EPPK1: variants seen among roughly 807,000 people sequenced by gnomAD.
The protein encoded by EPPK1 is epiplakin 1, also known as epiplakin.
For missense variants in EPPK1, 3,823 were observed against 3,673.3 expected, an observed-to-expected ratio of 1.04 and a Z score of -1.05; for synonymous variants, 1,862 against 1,721.2, an observed-to-expected ratio of 1.08 and a Z score of -2.03.
In EPPK1 at chr8:143,867,504, C is replaced by T. The variant is rs868913138; in HGVS notation, c.5750G>A (p.Ser1917Asn). The change falls in exon 2 of 2, where the codon AGC (serine) becomes AAC (asparagine). Residue 1917 changes from serine to asparagine, a missense_variant. Physicochemically the swap from Ser to Asn is conservative, Grantham distance 46. Transcript: ENST00000615648. Reference protein sequence around the residue: ...TREVMSLHEASRKELIPAAFA... With the variant: ...TREVMSLHEANRKELIPAAFA... ...TGCTGCAGGGATGAGCTCCTTCCTG[C>T]TGGCCTCATGGAGGCTCATGACCTC... 10 of 1,612,652 alleles carry T rather than the reference C, an allele frequency of 6.2e-6. No homozygotes were observed. The highest frequency in any genetic ancestry group is 1.3e-5 in the African/African-American group (1 of 75,048).
chr8:143,868,704 A>AG lies in EPPK1; in HGVS notation c.4549dup (p.Leu1517ProfsTer255), dbSNP rs1819227870. The AG allele has an allele frequency of 4.4e-6, 7 of 1,579,714 alleles. No homozygotes were observed. The highest frequency in any genetic ancestry group is 5.1e-6 in the Non-Finnish European group (6 of 1,165,916). On this transcript the variant is annotated frameshift_variant, in exon 2 of 2. Coordinates refer to ENST00000615648, the MANE Select transcript of EPPK1 (RefSeq NM_031308.4). LOFTEE classifies it low-confidence loss of function (END_TRUNC). ...CCGGAGCCCTCTGAAGGTGGCCTGCAGGGGCTGCCTCTCTGCAGCCTCGAC... is the reference window on the plus strand; with the variant it reads ...CCGGAGCCCTCTGAAGGTGGCCTGCAGGGGGCTGCCTCTCTGCAGCCTCGAC...
Position 143,867,106 on chromosome 8 carries a change from T to G in EPPK1, c.6148A>C (p.Met2050Leu), listed in dbSNP as rs782462479. ...TTCGGGTCCACAAACCGTTTCCTCATGTGCTTCTGGTCGGAAATGAGCGCA... is the reference window on the plus strand; with the variant it reads ...TTCGGGTCCACAAACCGTTTCCTCAGGTGCTTCTGGTCGGAAATGAGCGCA... The part of the protein sequence containing the change: ...IYALISDQKH[M>L]RKRFVDPNTQ... Residue 2050 changes from methionine to leucine, a missense_variant, in exon 2 of 2, where the codon ATG (methionine) becomes CTG (leucine). Transcript: ENST00000615648. 1.9e-6 allele frequency: 3 copies of G among 1,612,922 alleles called. No individual in the cohort carries two copies. The highest frequency in any genetic ancestry group is 2.5e-6 in the Non-Finnish European group (3 of 1,179,864).
Position 143,866,990 on chromosome 8 carries a change from A to G in EPPK1, c.6264T>C (p.Ala2088=), listed in dbSNP as rs1819141976. 6.2e-7 allele frequency: 1 copy of G among 1,612,670 alleles called. No individual in the cohort carries two copies. The highest frequency in any genetic ancestry group is 1.3e-5 in the African/African-American group (1 of 74,980). Residue 2088 remains alanine, a synonymous_variant, in exon 2 of 2, where the codon GCT becomes GCC. Coordinates refer to ENST00000615648, the MANE Select transcript of EPPK1 (RefSeq NM_031308.4). ...TGWLLFPVNK[A]ARDSEHIDDE... is the part of the protein sequence containing the mutation. ...CATCGATGTGCTCGGAGTCCCGTGC[A>G]GCCTTGTTCACTGGGAACAGCAGCC...
chr8:143,867,163 A>C lies in EPPK1; in HGVS notation c.6091T>G (p.Tyr2031Asp). The C allele has an allele frequency of 6.2e-7, 1 of 1,612,786 alleles. No individual in the cohort carries two copies. The change falls in exon 2 of 2, where the codon TAC becomes GAC. Residue 2031 changes from tyrosine (Y) to aspartate (D), a missense_variant. Coordinates refer to ENST00000615648, the MANE Select transcript of EPPK1 (RefSeq NM_031308.4). ...TCCTTGTGCAGACAGCCCCGTCTGTAGGCTGTTTCCAGTGGGAGCCGGTGG... is the reference window on the plus strand; with the variant it reads ...TCCTTGTGCAGACAGCCCCGTCTGTCGGCTGTTTCCAGTGGGAGCCGGTGG... Reference protein sequence around the residue: ...HHHRLPLETAYRRGCLHKDIY... With the variant: ...HHHRLPLETADRRGCLHKDIY...
In EPPK1 at chr8:143,869,172, G is replaced by T; in HGVS notation, c.4082C>A (p.Ala1361Asp). ...GACAGGGTCCACCACACCCCCTGTG[G>T]CCAGCTGCACCTGCAGGAGGGGCAA... is the stretch of plus-strand genomic sequence containing the variant. Reference protein sequence around the residue: ...EGLPLLQVQLATGGVVDPVHG... With the variant: ...EGLPLLQVQLDTGGVVDPVHG... Residue 1361 changes from alanine (A) to aspartate (D), a missense_variant, in exon 2 of 2, where the codon GCC becomes GAC. Ala to Asp is a moderately radical substitution (Grantham distance 126). Transcript: ENST00000615648. The T allele has an allele frequency of 6.2e-7, 1 of 1,608,014 alleles. No homozygotes were observed.
rs782694458 is a variant in EPPK1 at position 143,870,704 on chromosome 8, C to A, written c.2550G>T (p.Leu850=). ...CCTCGCGCTGCCGGTAGCGACGCAG[C>A]AGCTGCCTCCTGCGGCCCTCGCTGA... ...EYFSEGRRRQ[L]LRRYRQREVT... is the part of the protein sequence containing the mutation. Residue 850 remains leucine (L), a synonymous_variant, in exon 2 of 2, where the codon CTG becomes CTT. Transcript: ENST00000615648. This position sits in a 1 kb window ranked among gnomAD's most constrained non-coding sequence, Gnocchi z 5.2. The A allele has an allele frequency of 1.9e-6, 3 of 1,610,750 alleles. No homozygotes were observed. The East Asian group carries it at 6.7e-5, about 36-fold the overall frequency.
chr8:143,873,168 G>A lies in EPPK1; in HGVS notation c.86C>T (p.Thr29Met), dbSNP rs781912098. The change falls in exon 2 of 2, where the codon ACG becomes ATG. Residue 29 changes from threonine to methionine, a missense_variant. Physicochemically the swap from Thr to Met is moderately conservative, Grantham distance 81 (BLOSUM62 -1). Transcript: ENST00000615648. Reference sequence around the variant, plus strand: ...CCTGGGGGGCGTGCCGGCTCCCAGCGTGGCTGCCATGGCTCTGGGTACACT... The same window carrying A: ...CCTGGGGGGCGTGCCGGCTCCCAGCATGGCTGCCATGGCTCTGGGTACACT... ...QASVPRAMAATLGAGTPPRPQ... is the reference protein window; with the variant it reads ...QASVPRAMAAMLGAGTPPRPQ... 49 of 1,594,582 alleles carry A rather than the reference G, an allele frequency of 3.1e-5. No homozygotes were observed. Among genetic ancestry groups the A allele is most frequent in the Non-Finnish European group, 3.7e-5 (43 of 1,172,856 alleles).
At position 143,870,881 on chromosome 8, in the gene EPPK1, C is replaced by T. The variant is rs200849463; in HGVS notation, c.2373G>A (p.Thr791=). ...TGCTGAGTGGCAGGAGGTACAGGCC[C>T]GTCTCGGGGTCACGCACACAGCGCT... ...LLERCVRDPE[T]GLYLLPLSST... is the part of the protein sequence containing the mutation. Residue 791 remains threonine, a synonymous_variant, in exon 2 of 2, where the codon ACG becomes ACA. Transcript: ENST00000615648. The surrounding 1 kb of genome is among the most constrained non-coding windows in gnomAD (Gnocchi z 5.2). 42 of 1,613,014 alleles carry T rather than the reference C, an allele frequency of 2.6e-5. No individual in the cohort carries two copies. The East Asian group carries it at 4.9e-4, about 19-fold the overall frequency.
Position 143,866,974 on chromosome 8 carries a change from G to T in EPPK1, c.6280C>A (p.His2094Asn). 6.2e-7 allele frequency: 1 copy of T among 1,612,782 alleles called. No homozygotes were observed. Among genetic ancestry groups the T allele is most frequent in the Non-Finnish European group, 8.5e-7 (1 of 1,179,858 alleles). ...GCCCTTCTCGTCTCGTCATCGATGT[G>T]CTCGGAGTCCCGTGCAGCCTTGTTC... ...PVNKAARDSE[H>N]IDDETRRALE... Residue 2094 changes from histidine (H) to asparagine (N), a missense_variant, in exon 2 of 2, where the codon CAC becomes AAC. By Grantham distance (68) the His-to-Asn change is moderately conservative. Coordinates refer to ENST00000615648, the MANE Select transcript of EPPK1 (RefSeq NM_031308.4).
chr8:143,870,404 C>G lies in EPPK1; in HGVS notation c.2850G>C (p.Met950Ile). ...CCCTGGGCCCCAGCAGCTTCTGCCT[C>G]ATGGCCTGGTAGAGGCTGAGCCGCT... ...SGQRLSLYQAMRQKLLGPRVA... is the reference protein window; with the variant it reads ...SGQRLSLYQAIRQKLLGPRVA... The change falls in exon 2 of 2, where the codon ATG (methionine) becomes ATC (isoleucine). Residue 950 changes from methionine (M) to isoleucine (I), a missense_variant. Coordinates refer to ENST00000615648, the MANE Select transcript of EPPK1 (RefSeq NM_031308.4). The surrounding 1 kb of genome is among the most constrained non-coding windows in gnomAD (Gnocchi z 5.2). 6.3e-7 allele frequency: 1 copy of G among 1,584,448 alleles called. No homozygotes were observed. The highest frequency in any genetic ancestry group is 8.5e-7 in the Non-Finnish European group (1 of 1,170,850).
At position 143,869,934 on chromosome 8, in the gene EPPK1, G is replaced by A. The variant is rs1819282577; in HGVS notation, c.3320C>T (p.Thr1107Ile). 6.2e-7 allele frequency: 1 copy of A among 1,608,910 alleles called. No individual in the cohort carries two copies. Among genetic ancestry groups the A allele is most frequent in the Non-Finnish European group, 8.5e-7 (1 of 1,178,034 alleles). The change falls in exon 2 of 2, where the codon ACT becomes ATT. Residue 1107 changes from threonine to isoleucine, a missense_variant. Thr to Ile is a moderately conservative substitution (Grantham distance 89). Transcript: ENST00000615648. ...CAGGGGCAGGAGGTGAAGGCCAGAAGTCTCATCCCTGGGGCACTCCTCCAG... is the reference window on the plus strand; with the variant it reads ...CAGGGGCAGGAGGTGAAGGCCAGAAATCTCATCCCTGGGGCACTCCTCCAG... ...QLLEECPRDE[T>I]SGLHLLPLPE...
In EPPK1 at chr8:143,866,435, G is replaced by A. The variant is rs1161055684; in HGVS notation, c.6819C>T (p.Ile2273=). Residue 2273 remains isoleucine (I), a synonymous_variant, in exon 2 of 2, where the codon ATC becomes ATT. Transcript: ENST00000615648. ...ACAGCCTCAGGTTGCGCACGGGGTC[G>A]ATGACGAAGCCGGTGGCCGCCTGCG... is the stretch of plus-strand genomic sequence containing the variant. ...LEAQAATGFV[I]DPVRNLRLSV... 7.5e-6 allele frequency: 10 copies of A among 1,331,356 alleles called. No individual in the cohort carries two copies. Among genetic ancestry groups the A allele is most frequent in the East Asian group, 2.5e-5 (1 of 39,646 alleles). 82.5% of individuals were successfully genotyped at this position (1,331,356 alleles called of 1,614,324 possible).
rs868992351 is a variant in EPPK1, at chr8:143,872,365, G to A, written c.889C>T (p.His297Tyr). The change falls in exon 2 of 2, where the codon CAC (histidine) becomes TAC (tyrosine). Residue 297 changes from histidine (H) to tyrosine (Y), a missense_variant. Coordinates refer to ENST00000615648, the MANE Select transcript of EPPK1 (RefSeq NM_031308.4). ...VAGVVLLPEG[H>Y]KKSFFQAATE... Reference sequence around the variant, plus strand: ...GCAGCCTGGAAAAAGCTCTTCTTGTGGCCTTCGGGCAGCAGGACAACCCCG... The same window carrying A: ...GCAGCCTGGAAAAAGCTCTTCTTGTAGCCTTCGGGCAGCAGGACAACCCCG... The A allele has an allele frequency of 6.2e-7, 1 of 1,604,924 alleles. No homozygotes were observed. Among genetic ancestry groups the A allele is most frequent in the African/African-American group, 1.3e-5 (1 of 75,014 alleles).
In EPPK1 at chr8:143,867,414, TG is replaced by T; in HGVS notation, c.5839del (p.Gln1947ArgfsTer14). 6.2e-7 allele frequency: 1 copy of T among 1,612,780 alleles called. No individual in the cohort carries two copies. The highest frequency in any genetic ancestry group is 8.5e-7 in the Non-Finnish European group (1 of 1,179,854). ...TGFLLDPCTR[Q>X]KLSVDEAVDV... ...CACAGCCTCATCCACAGAGAGCTTC[TG>T]GCGGGTGCAGGGGTCCAGGAGGAAC... On this transcript the variant is annotated frameshift_variant, in exon 2 of 2. Coordinates refer to ENST00000615648, the MANE Select transcript of EPPK1 (RefSeq NM_031308.4). LOFTEE classifies it low-confidence loss of function (END_TRUNC).
chr8:143,870,363 A>G lies in EPPK1; in HGVS notation c.2891T>C (p.Leu964Pro), dbSNP rs782160551. Reference protein sequence around the residue: ...LLGPRVALALLEAQAATGTIM... With the variant: ...LLGPRVALALPEAQAATGTIM... The stretch of plus-strand genomic sequence containing the variant: ...GGTTCCGGTGGCCGCCTGGGCCTCC[A>G]GCAGGGCCAGGGCCACCCTGGGCCC... Residue 964 changes from leucine to proline, a missense_variant, in exon 2 of 2, where the codon CTG becomes CCG. By Grantham distance (98) the Leu-to-Pro change is moderately conservative. Transcript: ENST00000615648. The surrounding 1 kb of genome is among the most constrained non-coding windows in gnomAD (Gnocchi z 5.2). 1 of 1,563,762 alleles carries G rather than the reference A, an allele frequency of 6.4e-7. No homozygotes were observed. The highest frequency in any genetic ancestry group is 8.6e-7 in the Non-Finnish European group (1 of 1,160,064).
rs371992082 is a variant in EPPK1 at position 143,867,448 on chromosome 8, C to T, written c.5806G>A (p.Ala1936Thr). 128 of 1,612,680 alleles carry T rather than the reference C, an allele frequency of 7.9e-5. No homozygotes were observed. The highest frequency in any genetic ancestry group is 7.8e-4 in the South Asian group (71 of 91,078). ...FATWLLEAQA[A>T]TGFLLDPCTR... ...CAGGGGTCCAGGAGGAACCCGGTGG[C>T]GGCCTGCGCCTCCAGCAGCCAAGTC... The change falls in exon 2 of 2, where the codon GCC becomes ACC. Residue 1936 changes from alanine (A) to threonine (T), a missense_variant. Coordinates refer to ENST00000615648, the MANE Select transcript of EPPK1 (RefSeq NM_031308.4).
At position 143,871,814 on chromosome 8, in the gene EPPK1, G is replaced by T. The variant is rs879990377; in HGVS notation, c.1440C>A (p.Pro480=). 5 of 1,612,322 alleles carry T rather than the reference G, an allele frequency of 3.1e-6. No homozygotes were observed. In the South Asian group the frequency reaches 5.5e-5, roughly 18 times the overall value. The change falls in exon 2 of 2, where the codon CCC becomes CCA. Residue 480 remains proline (P), a synonymous_variant. Transcript: ENST00000615648. ...GGPRGGEPQG[P]PFIKYSTRQA... ...GCCGAGTGCTGTACTTGATGAATGG[G>T]GGTCCCTGGGGCTCCCCTCCCCGGG...
At chr8:143,878,469 C>G (rs1819534704), upstream of EPPK1, 1 of 140,620 alleles carries the variant, frequency 7.1e-6, no homozygotes, top group African/African-American at 2.6e-5. Flanking sequence ...CGCAGTGTCT[C>G]CGCGCGCCCG....
chr8:143,868,758 CG>C lies in EPPK1; in HGVS notation c.4495del (p.Arg1499GlyfsTer40). The C allele has an allele frequency of 6.3e-7, 1 of 1,588,874 alleles. No homozygotes were observed. On this transcript the variant is annotated frameshift_variant, in exon 2 of 2. Transcript: ENST00000615648. LOFTEE classifies it low-confidence loss of function (END_TRUNC). ...GGTGGTGACTGCGCTGACCACCTGC[CG>C]CAGGGCCGCAGCCCTCCCAGACCGA... ...LCRSGRAAALRQVVSAVTTLV... is the reference protein window; with the variant it reads ...LCRSGRAAALXQVVSAVTTLV...
Sources: gnomAD v4.1 joint callset for allele counts on GRCh38, gnomAD v4.1.1 for gene constraint, Gnocchi (gnomAD v3.1) non-coding constraint, MANE v1.5 for transcripts, NCBI Gene and HGNC (gene_info 2026-07-23, HGNC 2026-07-21) for gene names.